SH3PXD2B: variants seen among roughly 807,000 people sequenced by gnomAD.
SH3PXD2B encodes SH3 and PX domains 2B, also known as SH3 and PX domain-containing protein 2B.
Under a neutral mutation model 73.1 loss-of-function variants are expected in SH3PXD2B, and 37 were observed. The observed-to-expected ratio is 0.51, with a 90% CI of 0.39 to 0.67. The LOEUF is 0.67. Among genes scored for constraint, SH3PXD2B ranks in the 30% least tolerant of loss-of-function variants. The pLI is 0.00. For synonymous variants in SH3PXD2B, 457 were observed against 480.5 expected, an observed-to-expected ratio of 0.95 and a Z score of 0.64; for missense variants, 1,053 against 1,197.8, an observed-to-expected ratio of 0.88 and a Z score of 1.78.
chr5:172,436,879 C>A (rs1401125498), intron 1 of SH3PXD2B, among the ~76,000 whole-genome samples: 1 of 152,180 alleles, frequency 6.6e-6, no homozygotes, highest in Non-Finnish European at 1.5e-5. Context: ...CAGGTGAATT[C>A]ATTTCCTGTA....
rs182496801 is a variant in SH3PXD2B at position 172,358,924 on chromosome 5, G to C, written c.563-47C>G. ...ATGATGTTAGTTGCATCAAGCATGA[G>C]GCCGGGGGTCAGAACATAATAATCT... On this transcript the variant is annotated intron_variant, in intron 7 of 12. Transcript: ENST00000311601. 3.2e-6 allele frequency: 5 copies of C among 1,552,386 alleles called. No individual in the cohort carries two copies. In the African/African-American group the frequency reaches 4.1e-5, roughly 13 times the overall value.
chr5:172,358,514 C>T (rs1202584936), intron 8 of SH3PXD2B, among the ~76,000 whole-genome samples: 1 of 152,150 alleles, frequency 6.6e-6, no homozygotes, highest in Non-Finnish European at 1.5e-5. Context: ...CTCCTGGGGT[C>T]CCATGAAAGG....
At chr5:172,424,629 G>A (rs754092823) in intron 1 of SH3PXD2B, among the ~76,000 whole-genome samples, 2 of 152,220 alleles carry the variant, frequency 1.3e-5, no homozygotes, top group Non-Finnish European at 2.9e-5. Flanking sequence ...AGGTGACCTT[G>A]AATGCCACGC....
chr5:172,358,710 C>G (rs1757333698), intron 8 of SH3PXD2B, 63 bp downstream of exon 8: 5 of 1,463,280 alleles, frequency 3.4e-6, no homozygotes, highest in African/African-American at 1.4e-5. Context: ...GAAAAGGCAA[C>G]CCAGTATAGG....
chr5:172,422,338 C>T (rs946424663), intron 2 of SH3PXD2B, 78 bp downstream of exon 2: 9 of 1,348,842 alleles, frequency 6.7e-6, no homozygotes, highest in Non-Finnish European at 8.3e-6. Context: ...AAATTCTGGA[C>T]TCTAAAGCTG....
intron 1 of SH3PXD2B, among the ~76,000 whole-genome samples, chr5:172,439,150 G>C (rs1170119895): frequency 6.7e-6 from 1 of 149,844 alleles, no homozygotes; most frequent in Non-Finnish European, 1.5e-5. Flanking sequence ...TAAGGTGGGA[G>C]AATCACTTGA....
chr5:172,340,683 C>T, intron 12 of SH3PXD2B, among the ~76,000 whole-genome samples: 1 of 152,236 alleles, frequency 6.6e-6, no homozygotes, highest in African/African-American at 2.4e-5. Flanking sequence ...CAACCTCCGC[C>T]TCCCAGGTTC....
At chr5:172,385,580 T>C (rs1758043028) in intron 4 of SH3PXD2B, among the ~76,000 whole-genome samples, 1 of 152,200 alleles carries the variant, frequency 6.6e-6, no homozygotes, top group African/African-American at 2.4e-5. Context: ...GAGCTGGCCA[T>C]GTGTCTCTGC....
At chr5:172,442,720 G>T (rs533750993) in intron 1 of SH3PXD2B, among the ~76,000 whole-genome samples, 1 of 152,262 alleles carries the variant, frequency 6.6e-6, no homozygotes, top group Non-Finnish European at 1.5e-5. Context: ...TGATGATGAT[G>T]GTAAAGATAA....
At chr5:172,417,660 C>A (rs147170369) in intron 2 of SH3PXD2B, among the ~76,000 whole-genome samples, 1 of 152,230 alleles carries the variant, frequency 6.6e-6, no homozygotes, top group South Asian at 2.1e-4. Flanking sequence ...ACTCTATTAA[C>A]TGGCATCATC....
At chr5:172,412,812 C>G (rs760286264) in intron 2 of SH3PXD2B, among the ~76,000 whole-genome samples, 24 of 152,124 alleles carry the variant, frequency 1.6e-4, no homozygotes, top group African/African-American at 5.8e-4. Flanking sequence ...CCACTACCCG[C>G]GCTCCCCCCA....
chr5:172,381,898 C>A (rs533276672), intron 5 of SH3PXD2B, 138 bp downstream of exon 5: 2 of 642,882 alleles, frequency 3.1e-6, no homozygotes, highest in Non-Finnish European at 5.6e-6. Context: ...ACTCTGAAGG[C>A]TAAGTGAAGT....
At chr5:172,325,277 C>A in exon 13 of SH3PXD2B, 1 of 1,533,958 alleles carries the variant, frequency 6.5e-7, no homozygotes, top group South Asian at 1.2e-5. Context: ...ACGTGGTTCT[C>A]ACATCTCCAT....
At chr5:172,365,498 C>A (rs1423791694) in intron 6 of SH3PXD2B, among the ~76,000 whole-genome samples, 4 of 152,210 alleles carry the variant, frequency 2.6e-5, no homozygotes, top group African/African-American at 9.6e-5. Flanking sequence ...GGCTCTCCTT[C>A]CCCGAGGGCC....
intron 1 of SH3PXD2B, 132 bp downstream of exon 1, chr5:172,454,146 G>T: frequency 3.3e-6 from 2 of 605,850 alleles, no homozygotes; most frequent in Non-Finnish European, 5.2e-6. Context: ...CAGCGCCGCC[G>T]CAGAGCCGAG....
At chr5:172,365,790 G>GTC (rs150968154) in intron 6 of SH3PXD2B, among the ~76,000 whole-genome samples, 3,440 of 152,290 alleles carry the variant, frequency 0.023, 121 homozygotes, top group African/African-American at 0.078. Context: ...TGAAGGTGCT[G>GTC]TCCAGTGAAT....
intron 1 of SH3PXD2B, among the ~76,000 whole-genome samples, chr5:172,432,163 ACT>A: frequency 2.6e-5 from 4 of 152,312 alleles, no homozygotes; most frequent in Admixed American, 2.6e-4. Flanking sequence ...ACAGAGTGAG[ACT>A]CTGTCTCAAA....
chr5:172,420,734 G>A (rs752253180), intron 2 of SH3PXD2B, among the ~76,000 whole-genome samples: 5 of 152,208 alleles, frequency 3.3e-5, no homozygotes, highest in Non-Finnish European at 5.9e-5. Context: ...ATTGATTGGC[G>A]TCGAGTTGAG....
chr5:172,412,382 T>A lies in SH3PXD2B; in HGVS notation c.157-6030A>T, dbSNP rs148594276. On this transcript the variant is annotated intron_variant, in intron 2 of 12. Coordinates refer to ENST00000311601, the MANE Select transcript of SH3PXD2B (RefSeq NM_001017995.3). Reference sequence around the variant, plus strand: ...ACTCAGGAGCTCAATTTAAAAATTTTCTTTAATTGACTTGAATTTACATTT... The same window carrying A: ...ACTCAGGAGCTCAATTTAAAAATTTACTTTAATTGACTTGAATTTACATTT... Among the ~76,000 whole-genome samples, 299 of 152,366 alleles carry A rather than the reference T, an allele frequency of 2.0e-3. 2 individuals are homozygous for A. Among genetic ancestry groups the A allele is most frequent in the African/African-American group, 6.8e-3 (282 of 41,580 alleles).
Sources: gnomAD v4.1 joint callset for allele counts (sites outside exome capture counted in the v4.1 genomes callset) on GRCh38, gnomAD v4.1.1 for gene constraint, MANE v1.5 for transcripts, NCBI Gene and HGNC (gene_info 2026-07-23, HGNC 2026-07-21) for gene names.